The following SLAMF9 variants were observed in gnomAD, a reference collection of about 807,000 sequenced individuals.
SLAMF9 encodes the protein SLAM family member 9, also known as CD2 family member 10.
Under a neutral mutation model 30.4 loss-of-function variants are expected in SLAMF9, and 25 were observed. That is an observed-to-expected ratio of 0.82 (90% CI 0.60 to 1.15). SLAMF9 has a LOEUF of 1.15. SLAMF9 is among the 50% of genes most tolerant of loss of function. The pLI is 0.00. For missense variants in SLAMF9, 344 were observed against 346.1 expected, an observed-to-expected ratio of 0.99 and a Z score of 0.05; for synonymous variants, 129 against 127.2, an observed-to-expected ratio of 1.01 and a Z score of -0.09.
In SLAMF9 at chr1:159,953,261, T is replaced by C. The variant is rs368920026; in HGVS notation, c.391+48A>G. 9 of 1,509,966 alleles carry C rather than the reference T, an allele frequency of 6.0e-6. No homozygotes were observed. In the African/African-American group the frequency reaches 1.1e-4, roughly 18 times the overall value. The allele number at this position is 1,509,966 out of a possible 1,614,324, so 93.5% of individuals were successfully genotyped here. A position where few individuals can be genotyped will look rare whatever the true frequency, so the allele number is the denominator to read the frequency against. ...ACGCCCACTCCATGGTGTGAGAAGC[T>C]CAGAAGAGCCCCCAAAACCAGCTTT... On this transcript the variant is annotated intron_variant, in intron 2 of 3. Coordinates refer to ENST00000368093, the MANE Select transcript of SLAMF9 (RefSeq NM_033438.4).
the SLAMF9 span, chr1:159,976,975 AAAGAAGGAAAGAAG>A: frequency 2.2e-5 from 1 of 44,474 alleles, no homozygotes; most frequent in African/African-American, 4.4e-5. Context: ...AGAAAGAAGG[AAAGAAGGAAAGAAG>A]GAAAGAAAGA....
At chr1:159,954,752 G>A (rs757825549), upstream of SLAMF9, among the ~76,000 whole-genome samples, 16 of 152,060 alleles carry the variant, frequency 1.1e-4, no homozygotes, top group Non-Finnish European at 1.9e-4. Context: ...GAGGCTATTC[G>A]CAGGGGAAAA....
the SLAMF9 span, chr1:159,976,932 G>GAA: frequency 1.5e-3 from 1 of 646 alleles, no homozygotes; most frequent in Non-Finnish European, 0.02. Flanking sequence ...AAGAAAGAAA[G>GAA]AAAGAAAGAA....
At chr1:159,953,279 C>A in intron 2 of SLAMF9, 30 bp downstream of exon 2, 1 of 1,565,186 alleles carries the variant, frequency 6.4e-7, no homozygotes, top group South Asian at 1.2e-5. Context: ...GCCCCCAAAA[C>A]CAGCTTTATG....
chr1:159,965,313 A>C, the SLAMF9 span, among the ~76,000 whole-genome samples: 1 of 152,256 alleles, frequency 6.6e-6, no homozygotes, highest in Non-Finnish European at 1.5e-5. Context: ...GGGGGCAAGA[A>C]GCCTTTGGTT....
chr1:159,981,531 C>G, the SLAMF9 span, among the ~76,000 whole-genome samples: 1 of 152,202 alleles, frequency 6.6e-6, no homozygotes, highest in African/African-American at 2.4e-5. Flanking sequence ...AACAGCCTTC[C>G]CAGACCAGGG....
At chr1:159,955,580 A>G (rs150138915), upstream of SLAMF9, among the ~76,000 whole-genome samples, 58 of 152,340 alleles carry the variant, frequency 3.8e-4, no homozygotes, top group Middle Eastern at 6.8e-3. Context: ...TGGTCCATAC[A>G]CTGTCTTAAG....
the SLAMF9 span, chr1:159,976,972 AGG>A: frequency 0.017 from 619 of 35,486 alleles, 13 homozygotes; most frequent in African/African-American, 0.037. Context: ...GAAAGAAAGA[AGG>A]AAAGAAGGAA....
chr1:159,960,587 T>TC, the SLAMF9 span, among the ~76,000 whole-genome samples: 1 of 150,874 alleles, frequency 6.6e-6, no homozygotes, highest in Non-Finnish European at 1.5e-5. Flanking sequence ...CACCTCAGCC[T>TC]CCCAAGTAGC....
intron 1 of SLAMF9, among the ~76,000 whole-genome samples, chr1:159,953,882 T>G (rs1369655720): frequency 1.3e-5 from 2 of 152,220 alleles, no homozygotes; most frequent in Non-Finnish European, 2.9e-5. Context: ...AAGTTTTACC[T>G]TCTCCTTTGC....
chr1:159,962,517 C>T, the SLAMF9 span, among the ~76,000 whole-genome samples: 5 of 151,940 alleles, frequency 3.3e-5, no homozygotes, highest in African/African-American at 1.2e-4. Flanking sequence ...CAAGGCCTCT[C>T]CCTGACCCCA....
chr1:159,960,065 G>C, the SLAMF9 span, among the ~76,000 whole-genome samples: 1 of 151,744 alleles, frequency 6.6e-6, no homozygotes, highest in Non-Finnish European at 1.5e-5. Context: ...TGCACAACGT[G>C]CAGGTTTGTT....
the SLAMF9 span, chr1:159,976,851 T>C: frequency 6.9e-6 from 1 of 144,910 alleles, no homozygotes. Flanking sequence ...GAGTCCAGCC[T>C]GGACAACATA....
At chr1:159,959,659 A>T in the SLAMF9 span, among the ~76,000 whole-genome samples, 1 of 151,930 alleles carries the variant, frequency 6.6e-6, no homozygotes. Context: ...CCTCCCCTTG[A>T]AGTCTTCTTT....
chr1:159,981,274 C>T, the SLAMF9 span, among the ~76,000 whole-genome samples: 1 of 152,140 alleles, frequency 6.6e-6, no homozygotes, highest in Admixed American at 6.5e-5. Context: ...CAGCCATCTA[C>T]AAGCCAAGGA....
At chr1:159,965,138 G>C in the SLAMF9 span, among the ~76,000 whole-genome samples, 1 of 152,164 alleles carries the variant, frequency 6.6e-6, no homozygotes, top group Non-Finnish European at 1.5e-5. Flanking sequence ...CACTGTTCTA[G>C]GTGTGGGACA....
At chr1:159,969,282 A>C in the SLAMF9 span, among the ~76,000 whole-genome samples, 1 of 143,060 alleles carries the variant, frequency 7.0e-6, no homozygotes, top group Admixed American at 6.9e-5. Flanking sequence ...TAAGGGGGGA[A>C]GGGGTATAGT....
At chr1:159,962,255 C>T in the SLAMF9 span, among the ~76,000 whole-genome samples, 3 of 151,292 alleles carry the variant, frequency 2.0e-5, no homozygotes, top group East Asian at 2.0e-4. Context: ...CCAATGATTT[C>T]GTTTTAAGAG....
chr1:159,959,156 T>G (rs1163275189), upstream of SLAMF9, among the ~76,000 whole-genome samples: 2 of 152,058 alleles, frequency 1.3e-5, no homozygotes, highest in African/African-American at 4.8e-5. Context: ...GATGGAGAGG[T>G]TGGGGAGGTG....
Sources: allele counts gnomAD v4.1 joint callset (sites outside exome capture counted in the v4.1 genomes callset), GRCh38; gene constraint gnomAD v4.1.1; transcripts MANE v1.5; gene names NCBI Gene and HGNC (gene_info 2026-07-23, HGNC 2026-07-21).